VPS13B: variants seen among roughly 807,000 people sequenced by gnomAD.
The protein encoded by VPS13B is intermembrane lipid transfer protein VPS13B.
VPS13B carries 285 observed loss-of-function variants against 426.4 expected under a neutral mutation model. That is an observed-to-expected ratio of 0.67 (90% CI 0.61 to 0.74). VPS13B has a LOEUF of 0.74. Ranked by LOEUF, VPS13B falls within the 30% of genes least tolerant of loss-of-function variation. The pLI, the probability that VPS13B is intolerant of heterozygous loss-of-function variation, is 0.00. For synonymous variants in VPS13B, 1,676 were observed against 1,676.4 expected (o/e 1.00, Z 0.01); for missense variants, 4,537 against 4,782.6 (o/e 0.95, Z 1.51).
At chr8:99,031,139 C>G (rs1336476129) in intron 2 of VPS13B, among the ~76,000 whole-genome samples, 4 of 151,886 alleles carry the variant, frequency 2.6e-5, no homozygotes, top group Non-Finnish European at 5.9e-5. Context: ...GACTTATGTT[C>G]AAGTTCACAA....
intron 17 of VPS13B, among the ~76,000 whole-genome samples, chr8:99,214,403 T>C (rs1815274335): frequency 6.6e-6 from 1 of 152,230 alleles, no homozygotes; most frequent in African/African-American, 2.4e-5. Context: ...TCAAACATTG[T>C]ACTTTTTATC....
At chr8:99,197,278 TTTG>T (rs1248534919) in intron 17 of VPS13B, among the ~76,000 whole-genome samples, 1 of 152,182 alleles carries the variant, frequency 6.6e-6, no homozygotes, top group Non-Finnish European at 1.5e-5. Flanking sequence ...GGTCTGTAAG[TTTG>T]TTTTCTTGTA....
intron 22 of VPS13B, among the ~76,000 whole-genome samples, chr8:99,441,489 T>A (rs1817673703): frequency 6.6e-6 from 1 of 152,134 alleles, no homozygotes; most frequent in Admixed American, 6.5e-5. Context: ...TTGTAGGAAA[T>A]CAACCAATCA....
At chr8:99,075,956 G>GT (rs1009077206) in intron 3 of VPS13B, among the ~76,000 whole-genome samples, 2 of 151,810 alleles carry the variant, frequency 1.3e-5, no homozygotes, top group East Asian at 1.9e-4. Context: ...TCATTAGGTG[G>GT]TTTTTTTGAA....
chr8:99,245,285 T>C (rs1817156517), intron 17 of VPS13B, among the ~76,000 whole-genome samples: 1 of 152,230 alleles, frequency 6.6e-6, no homozygotes, highest in South Asian at 2.1e-4. Context: ...AAAACTCATA[T>C]GAAGTATTGT....
chr8:99,490,596 T>G (rs982560146), intron 25 of VPS13B, among the ~76,000 whole-genome samples: 11 of 152,220 alleles, frequency 7.2e-5, no homozygotes, highest in African/African-American at 1.4e-4. Context: ...ATTGGTCTAT[T>G]CAGAGATTCG....
chr8:99,026,084 G>A (rs1203588012), intron 2 of VPS13B, among the ~76,000 whole-genome samples: 1 of 152,046 alleles, frequency 6.6e-6, no homozygotes, highest in East Asian at 1.9e-4. Flanking sequence ...TCCTTGACAT[G>A]CATTGTTAGG....
chr8:99,285,201 T>C (rs960299745), intron 19 of VPS13B, among the ~76,000 whole-genome samples: 1 of 152,138 alleles, frequency 6.6e-6, no homozygotes, highest in African/African-American at 2.4e-5. Flanking sequence ...CCTTCCACAT[T>C]GAAATGTACC....
chr8:99,153,141 A>G (rs1425728470), intron 14 of VPS13B, among the ~76,000 whole-genome samples: 2 of 152,232 alleles, frequency 1.3e-5, no homozygotes, highest in East Asian at 3.8e-4. Flanking sequence ...CTTGCACTCC[A>G]GCCTGGGTGA....
At chr8:99,574,774 C>G (rs1027259788) in intron 31 of VPS13B, among the ~76,000 whole-genome samples, 1 of 152,160 alleles carries the variant, frequency 6.6e-6, no homozygotes, top group South Asian at 2.1e-4. Flanking sequence ...TAGCCCAGTA[C>G]TTGAACTTCA....
At chr8:99,845,087 A>T (rs1371431433) in intron 54 of VPS13B, among the ~76,000 whole-genome samples, 2 of 152,192 alleles carry the variant, frequency 1.3e-5, no homozygotes, top group Non-Finnish European at 2.9e-5. Context: ...GCCCATTTTT[A>T]TAGCTTTCAA....
At chr8:99,403,087 G>A (rs1302786835) in intron 21 of VPS13B, among the ~76,000 whole-genome samples, 1 of 152,208 alleles carries the variant, frequency 6.6e-6, no homozygotes, top group Non-Finnish European at 1.5e-5. Flanking sequence ...AACGGTAAAG[G>A]CAAAGATGGA....
Position 99,096,274 on chromosome 8 carries a change from T to G in VPS13B, c.292-38T>G, listed in dbSNP as rs750579721. The G allele has an allele frequency of 5.6e-6, 9 of 1,611,966 alleles. No individual in the cohort carries two copies. The African/African-American group carries it at 6.7e-5, about 12-fold the overall frequency. ...TTTTTTTCTTAATTCTTGAGTATGA[T>G]CGATGGTTTTCTTTTTCTTTCTTTA... On this transcript the variant is annotated intron_variant, in intron 3 of 61. Coordinates refer to ENST00000357162, the MANE Select transcript of VPS13B (RefSeq NM_152564.5).
At chr8:99,556,369 G>C (rs1824565426) in intron 30 of VPS13B, 81 bp from the exon 31 acceptor site, 3 of 1,442,138 alleles carry the variant, frequency 2.1e-6, no homozygotes, top group Non-Finnish European at 2.8e-6. Context: ...TTGACACTAT[G>C]TTAGTGAACA....
chr8:99,291,615 C>G (rs1226004597), intron 19 of VPS13B, among the ~76,000 whole-genome samples: 1 of 151,934 alleles, frequency 6.6e-6, no homozygotes, highest in Non-Finnish European at 1.5e-5. Context: ...TTGACTTTCA[C>G]AAATGATATA....
At chr8:99,822,213 A>G (rs1007608614) in intron 50 of VPS13B, among the ~76,000 whole-genome samples, 2 of 152,260 alleles carry the variant, frequency 1.3e-5, no homozygotes, top group African/African-American at 4.8e-5. Context: ...GGGATACTTC[A>G]TCAGAGTAGT....
Position 99,565,253 on chromosome 8 carries a change from T to A in VPS13B, c.4949+8600T>A, listed in dbSNP as rs1721387649. On this transcript the variant is annotated intron_variant, in intron 31 of 61. Transcript: ENST00000357162. Reference sequence around the variant, plus strand: ...ATTTCTTCCTATCTCTGACTTGATTTTGTTAGGTAATTTATCTTTTAAACT... The same window carrying A: ...ATTTCTTCCTATCTCTGACTTGATTATGTTAGGTAATTTATCTTTTAAACT... Among the ~76,000 whole-genome samples the A allele has an allele frequency of 3.3e-5, 5 of 152,206 alleles. No individual in the cohort carries two copies. In the South Asian group the frequency reaches 1.0e-3, roughly 31 times the overall value.
intron 35 of VPS13B, among the ~76,000 whole-genome samples, chr8:99,668,417 A>T (rs559508224): frequency 6.6e-6 from 1 of 152,178 alleles, no homozygotes; most frequent in East Asian, 1.9e-4. Context: ...ATAACTGCCT[A>T]ACCTTAAGCT....
At chr8:99,738,617 CCTT>C (rs1235813551) in intron 39 of VPS13B, among the ~76,000 whole-genome samples, 1 of 152,324 alleles carries the variant, frequency 6.6e-6, no homozygotes, top group South Asian at 2.1e-4. Context: ...AGATTTGACT[CCTT>C]CTACACATAC....
Sources: allele counts gnomAD v4.1 joint callset (sites outside exome capture counted in the v4.1 genomes callset), GRCh38; gene constraint gnomAD v4.1.1; transcripts MANE v1.5; gene names NCBI Gene and HGNC (gene_info 2026-07-23, HGNC 2026-07-21).